Variants in KIF16B observed in about 807,000 individuals in gnomAD.
The protein encoded by KIF16B is kinesin family member 16B.
Under a neutral mutation model 156.3 loss-of-function variants are expected in KIF16B, and 98 were observed. That is an observed-to-expected ratio of 0.63 (90% CI 0.53 to 0.74). KIF16B has a LOEUF of 0.74. Ranked by LOEUF, KIF16B falls within the 30% of genes least tolerant of loss-of-function variation. KIF16B has a pLI of 0.00. For synonymous variants in KIF16B, 564 were observed against 583.7 expected (o/e 0.97, Z 0.49); for missense variants, 1,421 against 1,606.5 (o/e 0.88, Z 1.97).
At chr20:16,565,597 T>A (rs1454774623) in intron 1 of KIF16B, among the ~76,000 whole-genome samples, 1 of 152,182 alleles carries the variant, frequency 6.6e-6, no homozygotes, top group African/African-American at 2.4e-5. Flanking sequence ...GCAGCACTGC[T>A]GTTACCCTTT....
intron 24 of KIF16B, among the ~76,000 whole-genome samples, chr20:16,314,361 T>C (rs558376336): frequency 1.5e-4 from 23 of 152,366 alleles, no homozygotes; most frequent in Admixed American, 1.0e-3. Context: ...TAAAAGTTGA[T>C]TGAAGTTGGG....
At chr20:16,349,264 A>G (rs2064290347) in intron 23 of KIF16B, among the ~76,000 whole-genome samples, 1 of 152,200 alleles carries the variant, frequency 6.6e-6, no homozygotes, top group South Asian at 2.1e-4. Flanking sequence ...CCCACCTGCT[A>G]GCCCACCATC....
intron 12 of KIF16B, among the ~76,000 whole-genome samples, chr20:16,462,336 CACA>C (rs1359561937): frequency 6.6e-6 from 1 of 152,188 alleles, no homozygotes; most frequent in Non-Finnish European, 1.5e-5. Context: ...CCGGTTCTCT[CACA>C]ACTCCTTTTT....
chr20:16,379,523 C>A lies in KIF16B; in HGVS notation c.2479G>T (p.Glu827Ter). Reference protein sequence around the residue: ...ELEKAQLRFFEFKRRQLVKLV... With the variant: ...ELEKAQLRFF ...TTGACAAGCTGCCTTCTCTTGAATT[C>A]GAAGAAACGCAGTTGAGCCTTTTCT... The change falls in exon 19 of 26, where the codon GAA (glutamate) becomes TAA (stop). Residue 827 changes from glutamate (E) to a stop codon, truncating the protein, a stop_gained. Coordinates refer to ENST00000354981, the MANE Select transcript of KIF16B (RefSeq NM_024704.5). LOFTEE classifies it high-confidence loss of function. 5 of 1,614,152 alleles carry A rather than the reference C, an allele frequency of 3.1e-6. No homozygotes were observed. Among genetic ancestry groups the A allele is most frequent in the South Asian group, 1.1e-5 (1 of 91,076 alleles).
At position 16,310,172 on chromosome 20, in the gene KIF16B, T is replaced by C. The variant is rs149293141; in HGVS notation, c.3795+2163A>G. Among the ~76,000 whole-genome samples, 62 of 152,328 alleles carry C rather than the reference T, an allele frequency of 4.1e-4. 2 individuals are homozygous for C. In the East Asian group the frequency reaches 0.01, roughly 26 times the overall value. On this transcript the variant is annotated intron_variant, in intron 25 of 25. Coordinates refer to ENST00000354981, the MANE Select transcript of KIF16B (RefSeq NM_024704.5). ...TTTCAAAAGTAAGTGCTTATTTCCA[T>C]AAGGTGTGGAAGCTGTTCTCTAGAG...
At chr20:16,289,818 G>A (rs955996550) in intron 25 of KIF16B, among the ~76,000 whole-genome samples, 3 of 152,318 alleles carry the variant, frequency 2.0e-5, no homozygotes, top group African/African-American at 4.8e-5. Flanking sequence ...TCCAACCTGG[G>A]TGACAGAGCC....
At chr20:16,429,330 A>ATATC (rs2066438726) in intron 13 of KIF16B, among the ~76,000 whole-genome samples, 2 of 152,166 alleles carry the variant, frequency 1.3e-5, no homozygotes, top group Non-Finnish European at 2.9e-5. Context: ...GATATAGTTT[A>ATATC]TGTAAGTCTG....
chr20:16,471,724 C>T (rs2067667711), intron 12 of KIF16B, among the ~76,000 whole-genome samples: 1 of 152,140 alleles, frequency 6.6e-6, no homozygotes, highest in African/African-American at 2.4e-5. Flanking sequence ...GTTCTTTTGA[C>T]CCACACACTG....
Position 16,547,067 on chromosome 20 carries a change from G to A in KIF16B, c.48-18627C>T, listed in dbSNP as rs142591488. 4.8e-3 allele frequency among the ~76,000 whole-genome samples: 723 copies of A among 152,164 alleles called. 7 individuals carry two copies. Among genetic ancestry groups the A allele is most frequent in the African/African-American group, 0.016 (657 of 41,530 alleles). On this transcript the variant is annotated intron_variant, in intron 1 of 25. Transcript: ENST00000354981. ...CCTGGGATTACAGGTGTGAGCCACC[G>A]CACCCAGCTTTCACTTATTTTTAAA...
At chr20:16,571,994 A>G (rs2122238928) in intron 1 of KIF16B, among the ~76,000 whole-genome samples, 1 of 152,356 alleles carries the variant, frequency 6.6e-6, no homozygotes, top group South Asian at 2.1e-4. Context: ...AAAAAAGAAA[A>G]AGAACTTCTA....
At chr20:16,353,869 A>T (rs1467665519) in intron 23 of KIF16B, among the ~76,000 whole-genome samples, 1 of 152,220 alleles carries the variant, frequency 6.6e-6, no homozygotes, top group East Asian at 1.9e-4. Context: ...CCCTGCCTAA[A>T]CGGAGAACTA....
chr20:16,404,082 T>C (rs2065722503), intron 17 of KIF16B, among the ~76,000 whole-genome samples: 1 of 152,216 alleles, frequency 6.6e-6, no homozygotes, highest in Non-Finnish European at 1.5e-5. Context: ...GCCTGGCATA[T>C]AGTAACTACT....
chr20:16,286,013 T>C (rs1462785033), intron 25 of KIF16B, among the ~76,000 whole-genome samples: 1 of 152,226 alleles, frequency 6.6e-6, no homozygotes, highest in Non-Finnish European at 1.5e-5. Flanking sequence ...TACTAGCTCA[T>C]TATTAATGAA....
At chr20:16,349,886 G>T (rs1377808095) in intron 23 of KIF16B, among the ~76,000 whole-genome samples, 2 of 152,230 alleles carry the variant, frequency 1.3e-5, no homozygotes, top group South Asian at 2.1e-4. Flanking sequence ...AAATTAGAAG[G>T]GGGAGCTCAC....
intron 17 of KIF16B, among the ~76,000 whole-genome samples, chr20:16,395,920 T>G (rs4814485): frequency 0.23 from 34,963 of 152,070 alleles, 4,101 homozygotes; most frequent in African/African-American, 0.28. Context: ...AAACAATCTG[T>G]AAAATAATTT....
intron 1 of KIF16B, among the ~76,000 whole-genome samples, chr20:16,545,614 G>A (rs571560672): frequency 9.2e-5 from 14 of 152,246 alleles, no homozygotes; most frequent in East Asian, 7.7e-4. Flanking sequence ...GTAGTGAGCC[G>A]AGATCGCACC....
intron 24 of KIF16B, among the ~76,000 whole-genome samples, chr20:16,326,431 T>A (rs1349921904): frequency 1.4e-5 from 2 of 144,596 alleles, no homozygotes; most frequent in Middle Eastern, 3.6e-3. Context: ...CCAGAATCTA[T>A]AAGGAGCTCA....
chr20:16,362,868 C>A (rs1272511111), intron 22 of KIF16B, among the ~76,000 whole-genome samples: 1 of 152,208 alleles, frequency 6.6e-6, no homozygotes, highest in Admixed American at 6.5e-5. Flanking sequence ...ACCCACTACA[C>A]CTTCAGCAAC....
intron 1 of KIF16B, among the ~76,000 whole-genome samples, chr20:16,557,811 A>G (rs747632585): frequency 2.0e-5 from 3 of 152,150 alleles, no homozygotes; most frequent in African/African-American, 2.4e-5. Context: ...CCTTGCCAAT[A>G]TTTGAAAATT....
Sources: gnomAD v4.1 joint callset for allele counts (sites outside exome capture counted in the v4.1 genomes callset) on GRCh38, gnomAD v4.1.1 for gene constraint, MANE v1.5 for transcripts, NCBI Gene and HGNC (gene_info 2026-07-23, HGNC 2026-07-21) for gene names.